BRINP1: variants seen among roughly 807,000 people sequenced by gnomAD.
BRINP1 encodes BMP/retinoic acid-inducible neural-specific protein 1.
In BRINP1, 17 loss-of-function variants were observed where a neutral mutation model predicts 72.9. The observed-to-expected ratio is 0.23, with a 90% CI of 0.16 to 0.35. The LOEUF is 0.35. BRINP1 is among the 10% of genes least tolerant of loss of function. The pLI is 1.00. For missense variants in BRINP1, 850 were observed against 1,001.6 expected (o/e 0.85, Z 2.04); for synonymous variants, 418 against 378.5 (o/e 1.10, Z -1.21).
chr9:119,351,613 T>C (rs866676763), intron 1 of BRINP1, among the ~76,000 whole-genome samples: 1 of 152,104 alleles, frequency 6.6e-6, no homozygotes, highest in Non-Finnish European at 1.5e-5. Context: ...ACAGACCCCA[T>C]AGAAACCAGA....
chr9:119,293,676 T>G (rs1306171792), intron 2 of BRINP1, among the ~76,000 whole-genome samples: 1 of 152,214 alleles, frequency 6.6e-6, no homozygotes, highest in Non-Finnish European at 1.5e-5. Context: ...CTACCTCATA[T>G]GAGACATTGT....
At chr9:119,217,435 T>C (rs1401686102) in intron 5 of BRINP1, among the ~76,000 whole-genome samples, 1 of 152,116 alleles carries the variant, frequency 6.6e-6, no homozygotes, top group African/African-American at 2.4e-5. Flanking sequence ...AATTTTGCCT[T>C]AGAAAACCCA....
chr9:119,298,808 C>T (rs1314562327), intron 2 of BRINP1, among the ~76,000 whole-genome samples: 1 of 152,152 alleles, frequency 6.6e-6, no homozygotes, highest in African/African-American at 2.4e-5. Flanking sequence ...TTTTCAAGAC[C>T]TCTAGGCCCA....
chr9:119,367,273 G>C (rs898075872), intron 1 of BRINP1, among the ~76,000 whole-genome samples: 5 of 111,642 alleles, frequency 4.5e-5, no homozygotes, highest in Non-Finnish European at 9.1e-5. Flanking sequence ...ACATTTTTTA[G>C]GCCAAATATA....
chr9:119,318,844 GGTGTGTGT>G lies in BRINP1; in HGVS notation c.-50-5447_-50-5440del, dbSNP rs56756136. On this transcript the variant is annotated intron_variant, in intron 1 of 7. Coordinates refer to ENST00000265922, the MANE Select transcript of BRINP1 (RefSeq NM_014618.3). ...TCATACATGGAAGAGAAATGTGTGGGGTGTGTGTGTGTGTGTGTGTGTGTGTGTGTGTG... is the reference window on the plus strand; with the variant it reads ...TCATACATGGAAGAGAAATGTGTGGGGTGTGTGTGTGTGTGTGTGTGTGTG... Among the ~76,000 whole-genome samples, 235 of 142,182 alleles carry G rather than the reference GGTGTGTGT, an allele frequency of 1.7e-3. 1 individual carries two copies. Among genetic ancestry groups the G allele is most frequent in the East Asian group, 0.014 (70 of 4,846 alleles). 93.3% of individuals were successfully genotyped at this position (142,182 alleles called of 152,430 possible).
At chr9:119,226,069 A>C (rs990894681) in intron 5 of BRINP1, among the ~76,000 whole-genome samples, 68 of 151,460 alleles carry the variant, frequency 4.5e-4, no homozygotes, top group African/African-American at 1.6e-3. Flanking sequence ...ATTTAGTGGC[A>C]GACGTGTACA....
At position 119,361,569 on chromosome 9, in the gene BRINP1, G is replaced by T. The variant is rs141764260; in HGVS notation, c.-51+7487C>A. Among the ~76,000 whole-genome samples the T allele has an allele frequency of 1.9e-3, 294 of 152,136 alleles. 3 individuals carry two copies. The East Asian group carries it at 0.022, about 12-fold the overall frequency. ...ATGAGGAAGCACAGCTACTGTGTGTGTCTCTCTCTGCTTTTACAAGAACTT... is the reference window on the plus strand; with the variant it reads ...ATGAGGAAGCACAGCTACTGTGTGTTTCTCTCTCTGCTTTTACAAGAACTT... On this transcript the variant is annotated intron_variant, in intron 1 of 7. Coordinates refer to ENST00000265922, the MANE Select transcript of BRINP1 (RefSeq NM_014618.3).
intron 3 of BRINP1, among the ~76,000 whole-genome samples, chr9:119,243,185 A>G (rs932590995): frequency 2.6e-5 from 4 of 152,088 alleles, no homozygotes; most frequent in Non-Finnish European, 5.9e-5. Context: ...CCCAGCATGC[A>G]TTAGCTATTT....
intron 1 of BRINP1, 132 bp from the exon 2 acceptor site, chr9:119,313,537 C>A: frequency 1.3e-6 from 1 of 757,744 alleles, no homozygotes; most frequent in East Asian, 2.7e-5. Flanking sequence ...ATAATAATAC[C>A]TTATATCAGT....
chr9:119,347,452 C>A (rs925582731), intron 1 of BRINP1, among the ~76,000 whole-genome samples: 4 of 152,108 alleles, frequency 2.6e-5, no homozygotes, highest in African/African-American at 2.4e-5. Context: ...TGAATATAAA[C>A]CATGAACACC....
chr9:119,321,153 G>A (rs1028141996), intron 1 of BRINP1, among the ~76,000 whole-genome samples: 2 of 152,204 alleles, frequency 1.3e-5, no homozygotes, highest in South Asian at 2.1e-4. Context: ...AGATGGTCTC[G>A]ATCTCCAGAC....
intron 5 of BRINP1, among the ~76,000 whole-genome samples, chr9:119,214,363 C>T (rs1287931799): frequency 5.9e-5 from 9 of 152,124 alleles, no homozygotes; most frequent in Non-Finnish European, 1.0e-4. Context: ...CTTCTCAGGT[C>T]ATGACTTTGG....
chr9:119,190,432 A>T (rs1829671985), intron 7 of BRINP1, among the ~76,000 whole-genome samples: 2 of 151,346 alleles, frequency 1.3e-5, no homozygotes, highest in South Asian at 4.2e-4. Flanking sequence ...AAAAATAAGG[A>T]AACTCAAATA....
intron 1 of BRINP1, among the ~76,000 whole-genome samples, chr9:119,332,174 G>A (rs555093128): frequency 1.2e-4 from 18 of 152,196 alleles, no homozygotes; most frequent in Admixed American, 5.9e-4. Flanking sequence ...AGAAGGCTAC[G>A]TCACCACTCC....
intron 2 of BRINP1, among the ~76,000 whole-genome samples, chr9:119,293,652 A>G (rs1457735018): frequency 6.6e-6 from 1 of 152,212 alleles, no homozygotes; most frequent in Non-Finnish European, 1.5e-5. Flanking sequence ...CATCTGTAAA[A>G]TGAGATATTA....
intron 2 of BRINP1, among the ~76,000 whole-genome samples, chr9:119,310,969 A>G (rs914034157): frequency 3.9e-5 from 6 of 152,174 alleles, no homozygotes; most frequent in African/African-American, 1.4e-4. Context: ...GTTCATATGC[A>G]CATTATGACA....
chr9:119,297,598 A>G (rs1359558614), intron 2 of BRINP1, among the ~76,000 whole-genome samples: 1 of 152,204 alleles, frequency 6.6e-6, no homozygotes, highest in Non-Finnish European at 1.5e-5. Context: ...ATTCTGTATC[A>G]TATCACACAA....
chr9:119,304,434 C>T (rs565691062), intron 2 of BRINP1, among the ~76,000 whole-genome samples: 8 of 152,148 alleles, frequency 5.3e-5, no homozygotes, highest in South Asian at 4.1e-4. Context: ...TCAAGGTGAG[C>T]GGGGAAGAGT....
intron 2 of BRINP1, among the ~76,000 whole-genome samples, chr9:119,272,781 A>T (rs533639600): frequency 1.3e-5 from 2 of 152,278 alleles, no homozygotes; most frequent in South Asian, 2.1e-4. Flanking sequence ...ACACTTTTCC[A>T]TGGAAGTTTT....
Sources: allele counts gnomAD v4.1 joint callset (sites outside exome capture counted in the v4.1 genomes callset), GRCh38; gene constraint gnomAD v4.1.1; transcripts MANE v1.5; gene names NCBI Gene and HGNC (gene_info 2026-07-23, HGNC 2026-07-21).